The following WDFY3 variants were observed in gnomAD, a reference collection of about 807,000 sequenced individuals.
WDFY3 encodes WD repeat and FYVE domain containing 3, also known as WD repeat and FYVE domain-containing protein 3.
WDFY3 carries 66 observed loss-of-function variants against 409.6 expected under a neutral mutation model. The ratio of observed to expected loss-of-function variants is 0.16; its 90% confidence interval spans 0.13 to 0.20. The LOEUF is 0.20. Ranked by LOEUF, WDFY3 falls within the 10% of genes least tolerant of loss-of-function variation. WDFY3 has a pLI of 1.00. For synonymous variants in WDFY3, 1,521 were observed against 1,537.1 expected, an observed-to-expected ratio of 0.99 and a Z score of 0.25; for missense variants, 3,031 against 4,298.1, an observed-to-expected ratio of 0.71 and a Z score of 8.24.
At chr4:84,799,408 G>C (rs943770581) in intron 17 of WDFY3, among the ~76,000 whole-genome samples, 9 of 150,720 alleles carry the variant, frequency 6.0e-5, no homozygotes, top group Non-Finnish European at 1.2e-4. Flanking sequence ...CTGACCTCAA[G>C]TAATCCTCCT....
chr4:84,898,835 C>T (rs529558921), intron 2 of WDFY3, among the ~76,000 whole-genome samples: 13 of 152,278 alleles, frequency 8.5e-5, no homozygotes, highest in African/African-American at 3.1e-4. Context: ...GGATGCTGTT[C>T]CTAAGAAGAA....
chr4:84,676,365 C>T (rs989046816), intron 67 of WDFY3, among the ~76,000 whole-genome samples: 2 of 152,114 alleles, frequency 1.3e-5, no homozygotes, highest in African/African-American at 4.8e-5. Context: ...TCTGGCAGTA[C>T]CAAGCATGAC....
intron 61 of WDFY3, among the ~76,000 whole-genome samples, chr4:84,690,201 T>C (rs931853879): frequency 2.6e-5 from 4 of 152,198 alleles, no homozygotes; most frequent in Non-Finnish European, 5.9e-5. Context: ...GCAAACATAA[T>C]TCAGTTTGCA....
intron 3 of WDFY3, among the ~76,000 whole-genome samples, chr4:84,873,903 C>T (rs1762439441): frequency 6.6e-6 from 1 of 151,786 alleles, no homozygotes; most frequent in African/African-American, 2.4e-5. Flanking sequence ...CTGTCTCGGC[C>T]TCCCTAGTAC....
intron 37 of WDFY3, among the ~76,000 whole-genome samples, chr4:84,743,328 ATACAT>A (rs1406546637): frequency 6.6e-6 from 1 of 152,218 alleles, no homozygotes; most frequent in Non-Finnish European, 1.5e-5. Flanking sequence ...AAAAGATAAC[ATACAT>A]ATACCTATGA....
chr4:84,955,791 T>G (rs1459379762), intron 1 of WDFY3, among the ~76,000 whole-genome samples: 1 of 152,226 alleles, frequency 6.6e-6, no homozygotes, highest in African/African-American at 2.4e-5. Context: ...ACACTTAACA[T>G]GTACTAAGTA....
At chr4:84,916,732 A>G (rs571426438) in intron 2 of WDFY3, among the ~76,000 whole-genome samples, 26 of 152,324 alleles carry the variant, frequency 1.7e-4, no homozygotes, top group African/African-American at 6.0e-4. Flanking sequence ...GAATATACTG[A>G]ATTAATAAAA....
chr4:84,749,710 TG>T (rs1740161219), intron 36 of WDFY3, among the ~76,000 whole-genome samples: 1 of 152,174 alleles, frequency 6.6e-6, no homozygotes, highest in Non-Finnish European at 1.5e-5. Flanking sequence ...TGCTAAAAGT[TG>T]TGAGAGATGA....
intron 7 of WDFY3, among the ~76,000 whole-genome samples, chr4:84,833,494 T>C (rs530608168): frequency 2.0e-5 from 3 of 151,958 alleles, no homozygotes; most frequent in South Asian, 2.1e-4. Context: ...CTGGGCAACA[T>C]GGTAAAACTC....
intron 48 of WDFY3, among the ~76,000 whole-genome samples, chr4:84,718,212 A>G (rs989426064): frequency 1.3e-5 from 2 of 152,076 alleles, no homozygotes; most frequent in African/African-American, 4.8e-5. Context: ...AATGTTATTT[A>G]GCTTTCATCT....
At chr4:84,905,046 C>T (rs1766853576) in intron 2 of WDFY3, among the ~76,000 whole-genome samples, 1 of 148,214 alleles carries the variant, frequency 6.7e-6, no homozygotes, top group Non-Finnish European at 1.5e-5. Context: ...AAAGACCCAC[C>T]GACCCTGTGG....
At chr4:84,897,380 ATTATT>A (rs1236527708) in intron 2 of WDFY3, among the ~76,000 whole-genome samples, 17 of 151,764 alleles carry the variant, frequency 1.1e-4, no homozygotes, top group Admixed American at 7.9e-4. Context: ...TTTTTATTTT[ATTATT>A]TTATTTTATT....
At chr4:84,687,142 A>G (rs1728459258) in intron 62 of WDFY3, among the ~76,000 whole-genome samples, 1 of 151,816 alleles carries the variant, frequency 6.6e-6, no homozygotes, top group South Asian at 2.1e-4. Flanking sequence ...CACATTTCTA[A>G]CCTTCTTCTT....
At chr4:84,718,337 T>C in intron 48 of WDFY3, 85 bp downstream of exon 48, 1 of 1,454,968 alleles carries the variant, frequency 6.9e-7, no homozygotes. Flanking sequence ...AGAACACAAT[T>C]TTTTGATTAA....
In WDFY3 at chr4:84,886,271, T is replaced by C. The variant is rs2150453940; in HGVS notation, c.-32+10640A>G. The C allele has an allele frequency of 1.3e-5, 2 of 152,254 alleles. 1 individual carries two copies. The highest frequency in any genetic ancestry group is 4.1e-4 in the South Asian group (2 of 4,832). The allele number at this position is 152,254 out of a possible 1,614,324, so 9.4% of individuals were successfully genotyped here. ...CAACCCTAAAAATCACTGTTTTATA[T>C]AAAAATATATTTACATTAACAACTA... On this transcript the variant is annotated intron_variant, in intron 3 of 67. Transcript: ENST00000295888.
In WDFY3 at chr4:84,801,854, T is replaced by C; in HGVS notation, c.2618A>G (p.Asp873Gly). The change falls in exon 17 of 68, where the codon GAT becomes GGT. Residue 873 changes from aspartate to glycine, a missense_variant. Asp to Gly is a moderately conservative substitution (Grantham distance 94). Coordinates refer to ENST00000295888, the MANE Select transcript of WDFY3 (RefSeq NM_014991.6). The stretch of plus-strand genomic sequence containing the variant: ...AATATTTGCCACGGCAAGTTGAAGA[T>C]CCAAAGCATGCTAAAATCAACAAAG... The part of the protein sequence containing the change: ...GSVTQPEHAL[D>G]LQLAVANILQ... 1.2e-6 allele frequency: 2 copies of C among 1,613,734 alleles called. No individual in the cohort carries two copies. Among genetic ancestry groups the C allele is most frequent in the African/African-American group, 1.3e-5 (1 of 75,030 alleles).
At chr4:84,774,549 A>G (rs1178419983) in intron 29 of WDFY3, among the ~76,000 whole-genome samples, 2 of 152,232 alleles carry the variant, frequency 1.3e-5, no homozygotes, top group Non-Finnish European at 2.9e-5. Flanking sequence ...TAGACTGAAT[A>G]CTTTATATCC....
chr4:84,701,917 A>G (rs1731122709), intron 56 of WDFY3, among the ~76,000 whole-genome samples: 1 of 152,246 alleles, frequency 6.6e-6, no homozygotes, highest in South Asian at 2.1e-4. Flanking sequence ...ACTCTTAGCT[A>G]TTAATGGGTT....
rs1468490897 is a variant in WDFY3 at position 84,739,030 on chromosome 4, T to C, written c.6554A>G (p.Tyr2185Cys). 4 of 1,614,132 alleles carry C rather than the reference T, an allele frequency of 2.5e-6. No homozygotes were observed. The highest frequency in any genetic ancestry group is 1.1e-5 in the South Asian group (1 of 91,086). ...IPSDIEPDGSYSQDISEGRQL... is the reference protein window; with the variant it reads ...IPSDIEPDGSCSQDISEGRQL... Reference sequence around the variant, plus strand: ...ATTACCTTCACTAATATCTTGGCTGTAACTACCATCTGGTTCAATGTCCGA... The same window carrying C: ...ATTACCTTCACTAATATCTTGGCTGCAACTACCATCTGGTTCAATGTCCGA... Residue 2185 changes from tyrosine to cysteine, a missense_variant, in exon 40 of 68, where the codon TAC becomes TGC. By Grantham distance (194) the Tyr-to-Cys change is radical. Around this residue, in one of 16 missense-constraint regions of WDFY3, gnomAD observed 314 missense variants for 397.4 expected, o/e 0.79. Coordinates refer to ENST00000295888, the MANE Select transcript of WDFY3 (RefSeq NM_014991.6).
Sources: gnomAD v4.1 joint callset for allele counts (sites outside exome capture counted in the v4.1 genomes callset) on GRCh38, gnomAD v4.1.1 for gene constraint, gnomAD v4.1.1 regional missense constraint, MANE v1.5 for transcripts, NCBI Gene and HGNC (gene_info 2026-07-23, HGNC 2026-07-21) for gene names.